PSMD5: variants seen among roughly 807,000 people sequenced by gnomAD.
PSMD5 encodes 26S proteasome non-ATPase regulatory subunit 5.
A neutral mutation model predicts 52.1 loss-of-function variants in PSMD5; 40 were observed. That is an observed-to-expected ratio of 0.77 (90% CI 0.60 to 1.00). The LOEUF (loss-of-function observed/expected upper bound fraction) is 1.00, where lower values mean the gene tolerates loss of function less well. Ranked by LOEUF, PSMD5 falls within the 50% of genes least tolerant of loss-of-function variation. The pLI, the probability that PSMD5 is intolerant of heterozygous loss-of-function variation, is 0.00. For missense variants in PSMD5, 575 were observed against 605.2 expected, an observed-to-expected ratio of 0.95 and a Z score of 0.52; for synonymous variants, 211 against 226.6, an observed-to-expected ratio of 0.93 and a Z score of 0.62.
intron 4 of PSMD5, among the ~76,000 whole-genome samples, chr9:120,829,634 G>A (rs968691721): frequency 2.6e-5 from 4 of 152,200 alleles, no homozygotes; most frequent in African/African-American, 9.6e-5. Flanking sequence ...GCCCTCAAGT[G>A]ATCTGCCCGC....
At position 120,831,325 on chromosome 9, in the gene PSMD5, T is replaced by C; in HGVS notation, c.561+6A>G. 6.3e-7 allele frequency: 1 copy of C among 1,579,748 alleles called. No homozygotes were observed. Among genetic ancestry groups the C allele is most frequent in the Middle Eastern group, 1.7e-4 (1 of 5,902 alleles). On this transcript the variant is annotated splice_donor_region_variant and intron_variant, in intron 4 of 9. Coordinates refer to ENST00000210313, the MANE Select transcript of PSMD5 (RefSeq NM_005047.4). Reference sequence around the variant, plus strand: ...TAAGCATGAGAAAGTGTGCTTTTTATCTTACCTCATACACCCTGTATCGAA... The same window carrying C: ...TAAGCATGAGAAAGTGTGCTTTTTACCTTACCTCATACACCCTGTATCGAA...
intron 1 of PSMD5, among the ~76,000 whole-genome samples, chr9:120,839,510 G>T (rs1357678031): frequency 6.6e-6 from 1 of 152,128 alleles, no homozygotes; most frequent in African/African-American, 2.4e-5. Context: ...ACAAATAAGA[G>T]ACATTTCATA....
intron 1 of PSMD5, chr9:120,841,738 T>C (rs2045239768): frequency 6.6e-6 from 1 of 152,224 alleles, no homozygotes; most frequent in African/African-American, 2.4e-5. Flanking sequence ...ATTTAGATTG[T>C]TTCTAGTGTT....
At chr9:120,824,329 G>A (rs755449750) in intron 7 of PSMD5, 165 bp downstream of exon 7, 12 of 650,240 alleles carry the variant, frequency 1.8e-5, no homozygotes, top group Non-Finnish European at 2.9e-5. Context: ...AAGGTTTTCC[G>A]TAATAATTAT....
chr9:120,836,795 G>T (rs2045201013), intron 1 of PSMD5, among the ~76,000 whole-genome samples: 1 of 151,964 alleles, frequency 6.6e-6, no homozygotes, highest in South Asian at 2.1e-4. Flanking sequence ...ATTCTGAAAA[G>T]AAGTCTTTTA....
Position 120,817,005 on chromosome 9 carries a change from G to T in PSMD5, c.*901C>A, listed in dbSNP as rs2045047402. ...AACCACAACAGGGCAAAGTTCATTG[G>T]TAAACAGCAAAAAAAATTACATGAA... On this transcript the variant is annotated 3_prime_UTR_variant, in exon 10 of 10. Transcript: ENST00000210313. 1.3e-5 allele frequency: 2 copies of T among 151,750 alleles called. No individual in the cohort carries two copies. 9.4% of individuals were successfully genotyped at this position (151,750 alleles called of 1,614,324 possible). A position where few individuals can be genotyped will look rare whatever the true frequency, so the allele number is the denominator to read the frequency against.
In PSMD5 at chr9:120,833,482, T is replaced by C. The variant is rs187220033; in HGVS notation, c.174-26A>G. ...CTGAAGGAGACATCATAAATCTTAT[T>C]AGTTCATATCCTGCCCAGGTAGGAA... On this transcript the variant is annotated intron_variant, in intron 1 of 9. Transcript: ENST00000210313. The C allele has an allele frequency of 6.4e-5, 102 of 1,606,182 alleles. No homozygotes were observed. The African/African-American group carries it at 1.2e-3, about 19-fold the overall frequency.
chr9:120,828,145 C>A (rs1166799674), intron 5 of PSMD5, among the ~76,000 whole-genome samples: 1 of 152,096 alleles, frequency 6.6e-6, no homozygotes, highest in Non-Finnish European at 1.5e-5. Flanking sequence ...TACAGGCACC[C>A]ACCACCACGC....
intron 5 of PSMD5, 124 bp downstream of exon 5, chr9:120,828,973 GAC>G (rs2045142039): frequency 7.9e-7 from 1 of 1,260,476 alleles, no homozygotes; most frequent in Non-Finnish European, 1.0e-6. Context: ...CCTCCTTCAG[GAC>G]ACACATCAGT....
rs369144515 is a variant in PSMD5, at chr9:120,823,800, T to G, written c.1006+694A>C. On this transcript the variant is annotated intron_variant, in intron 7 of 9. Transcript: ENST00000210313. ...AGTGCTGGATTACAGGCATGAACCATTGTATCTCTTAACATGCCAAAAGTA... is the reference window on the plus strand; with the variant it reads ...AGTGCTGGATTACAGGCATGAACCAGTGTATCTCTTAACATGCCAAAAGTA... 1.1e-4 allele frequency among the ~76,000 whole-genome samples: 17 copies of G among 152,122 alleles called. No individual in the cohort carries two copies. In the East Asian group the frequency reaches 3.1e-3, roughly 28 times the overall value.
chr9:120,835,742 T>A (rs540954435), intron 1 of PSMD5, among the ~76,000 whole-genome samples: 272 of 149,548 alleles, frequency 1.8e-3, no homozygotes, highest in African/African-American at 6.0e-3. Context: ...AAAAAAAAAA[T>A]AAAATAAAAT....
At chr9:120,825,134 A>G (rs2045113715) in intron 6 of PSMD5, among the ~76,000 whole-genome samples, 1 of 152,222 alleles carries the variant, frequency 6.6e-6, no homozygotes, top group African/African-American at 2.4e-5. Flanking sequence ...AGATCCTACA[A>G]CAGATAAAGA....
At chr9:120,820,512 T>C (rs1164545846) in intron 9 of PSMD5, among the ~76,000 whole-genome samples, 3 of 152,150 alleles carry the variant, frequency 2.0e-5, no homozygotes, top group Non-Finnish European at 4.4e-5. Context: ...ACTGGAGCAT[T>C]AGGTGCCAGA....
At chr9:120,824,144 C>CAAAAAAAAAAAAAAA in intron 7 of PSMD5, 1 of 184,496 alleles carries the variant, frequency 5.4e-6, no homozygotes, top group Non-Finnish European at 1.1e-5. Context: ...AATAGAAAAC[C>CAAAAAAAAAAAAAAA]CAAGGACATG....
intron 5 of PSMD5, among the ~76,000 whole-genome samples, chr9:120,828,578 C>G (rs2045139337): frequency 6.6e-6 from 1 of 151,542 alleles, no homozygotes; most frequent in Admixed American, 6.6e-5. Flanking sequence ...TAGGCACATG[C>G]CACCATACCC....
intron 4 of PSMD5, among the ~76,000 whole-genome samples, 179 bp downstream of exon 4, chr9:120,831,152 G>A (rs1322521418): frequency 1.3e-5 from 2 of 152,114 alleles, no homozygotes; most frequent in Non-Finnish European, 2.9e-5. Context: ...CCATAGAGCT[G>A]GGCTGTAAGT....
chr9:120,841,110 C>A (rs990893841), intron 1 of PSMD5, among the ~76,000 whole-genome samples: 9 of 152,146 alleles, frequency 5.9e-5, no homozygotes, highest in African/African-American at 1.9e-4. Flanking sequence ...TAAAAGTTGT[C>A]CTACTATTTT....
chr9:120,818,213 G>A (rs1270691705), intron 9 of PSMD5, 50 bp from the exon 10 acceptor site: 1 of 1,553,792 alleles, frequency 6.4e-7, no homozygotes, highest in South Asian at 1.2e-5. Context: ...GAAGTTGTTT[G>A]TTAATGGGAT....
At position 120,826,866 on chromosome 9, in the gene PSMD5, T is replaced by C; in HGVS notation, c.713A>G (p.His238Arg). 1 of 1,613,066 alleles carries C rather than the reference T, an allele frequency of 6.2e-7. No homozygotes were observed. Reference sequence around the variant, plus strand: ...TTGAGCAAGATATTGTCGCCCATGATGAGTATATGCCAGTGATGTCACCAT... The same window carrying C: ...TTGAGCAAGATATTGTCGCCCATGACGAGTATATGCCAGTGATGTCACCAT... ...IEMVTSLAYT[H>R]HGRQYLAQEG... is the part of the protein sequence containing the mutation. The change falls in exon 6 of 10, where the codon CAT becomes CGT. Residue 238 changes from histidine to arginine, a missense_variant. Coordinates refer to ENST00000210313, the MANE Select transcript of PSMD5 (RefSeq NM_005047.4).
Sources: allele counts gnomAD v4.1 joint callset (sites outside exome capture counted in the v4.1 genomes callset), GRCh38; gene constraint gnomAD v4.1.1; transcripts MANE v1.5; gene names NCBI Gene and HGNC (gene_info 2026-07-23, HGNC 2026-07-21).